Variants in WDR87 observed in about 807,000 individuals in gnomAD.
WDR87 encodes the protein WD repeat-containing protein 87.
WDR87 carries 56 observed loss-of-function variants against 83.3 expected under a neutral mutation model. The ratio of observed to expected loss-of-function variants is 0.67; its 90% CI spans 0.54 to 0.84. The LOEUF is 0.84. Ranked by LOEUF, WDR87 falls within the 40% of genes least tolerant of loss-of-function variation. The pLI is 0.00. For missense variants in WDR87, 2,939 were observed against 3,431.9 expected (o/e 0.86, Z 3.59); for synonymous variants, 1,173 against 1,250.6 (o/e 0.94, Z 1.31).
In WDR87 at chr19:37,886,199, C is replaced by T. The variant is rs543517961; in HGVS notation, c.7472G>A (p.Gly2491Asp). ...KYEPIPPHVL[G>D]TVLESQAQDL... Reference sequence around the variant, plus strand: ...CTGTGCTTGGGACTCCAAAACTGTACCCAAAACATGTGGAGGTATGGGTTC... The same window carrying T: ...CTGTGCTTGGGACTCCAAAACTGTATCCAAAACATGTGGAGGTATGGGTTC... The change falls in exon 6 of 6, where the codon GGT becomes GAT. Residue 2491 changes from glycine (G) to aspartate (D), a missense_variant. Transcript: ENST00000447313. The T allele has an allele frequency of 5.2e-6, 8 of 1,551,680 alleles. No homozygotes were observed. In the African/African-American group the frequency reaches 1.1e-4, roughly 21 times the overall value.
rs892628499 is a variant in WDR87, at chr19:37,885,057, C to T, written c.8614G>A (p.Val2872Met). The change falls in exon 6 of 6, where the codon GTG becomes ATG. Residue 2872 changes from valine (V) to methionine (M), a missense_variant. By Grantham distance (21) the Val-to-Met change is conservative. This residue lies in a region of WDR87 where 2,160 missense variants were observed against 2,533.1 expected (regional missense o/e 0.85). Transcript: ENST00000447313. ...ATGCCCACGGGAAGGATGGTGCGCA[C>T]ACAGTTCTGCCATGGGAGGGGTACC... ...GAVPLPWQNC[V>M]RTILPVGIAR... 72 of 1,469,418 alleles carry T rather than the reference C, an allele frequency of 4.9e-5. No individual in the cohort carries two copies. Among genetic ancestry groups the T allele is most frequent in the Non-Finnish European group, 5.8e-5 (64 of 1,109,176 alleles). 91.0% of individuals were successfully genotyped at this position (1,469,418 alleles called of 1,614,324 possible).
In WDR87 at chr19:37,894,718, G is replaced by A. The variant is rs371801606; in HGVS notation, c.985C>T (p.Arg329Trp). Reference protein sequence around the residue: ...RRLELGEELYRLQFIDSITFF... With the variant: ...RRLELGEELYWLQFIDSITFF... ...GTAATGCTGTCAATAAACTGGAGCC[G>A]GTATAGCTCCTCACCAAGCTCTAGC... The change falls in exon 4 of 6, where the codon CGG (arginine) becomes TGG (tryptophan). Residue 329 changes from arginine to tryptophan, a missense_variant. Physicochemically the swap from Arg to Trp is moderately radical, Grantham distance 101. Around this residue, in one of 3 missense-constraint regions of WDR87, gnomAD observed 553 missense variants for 577.9 expected, o/e 0.96. Coordinates refer to ENST00000447313, the MANE Select transcript of WDR87 (RefSeq NM_001291088.2). The A allele has an allele frequency of 1.7e-5, 27 of 1,551,580 alleles. No homozygotes were observed. The highest frequency in any genetic ancestry group is 4.1e-5 in the African/African-American group (3 of 73,040).
In WDR87 at chr19:37,886,940, C is replaced by T. The variant is rs866606286; in HGVS notation, c.6731G>A (p.Arg2244Lys). The change falls in exon 6 of 6, where the codon AGA becomes AAA. Residue 2244 changes from arginine (R) to lysine (K), a missense_variant. Physicochemically the swap from Arg to Lys is conservative, Grantham distance 26 (BLOSUM62 2). This residue lies in a region of WDR87 where 2,160 missense variants were observed against 2,533.1 expected (regional missense o/e 0.85). Coordinates refer to ENST00000447313, the MANE Select transcript of WDR87 (RefSeq NM_001291088.2). ...RRWRKRKEAK[R>K]GDKPKEKFSS... is the part of the protein sequence containing the mutation. ...AAACTTTTCTTTTGGTTTGTCACCT[C>T]TCTTGGCCTCTTTCCTCTTTCTCCA... 1 of 1,551,902 alleles carries T rather than the reference C, an allele frequency of 6.4e-7. No individual in the cohort carries two copies. Among genetic ancestry groups the T allele is most frequent in the Non-Finnish European group, 8.7e-7 (1 of 1,147,048 alleles).
rs902881646 is a variant in WDR87 at position 37,884,888 on chromosome 19, C to G, written c.*44G>C. The G allele has an allele frequency of 7.9e-7, 1 of 1,264,774 alleles. No homozygotes were observed. The highest frequency in any genetic ancestry group is 3.8e-5 in the Admixed American group (1 of 26,076). 78.3% of individuals were successfully genotyped at this position (1,264,774 alleles called of 1,614,324 possible). A position where few individuals can be genotyped will look rare whatever the true frequency, so the allele number is the denominator to read the frequency against. ...TCTAGATCCTGGTAATTAGGCCTTT[C>G]TCCAGTTGGCAATGAAAAGTCCCAG... On this transcript the variant is annotated 3_prime_UTR_variant, in exon 6 of 6. Transcript: ENST00000447313.
chr19:37,888,147 C>T lies in WDR87; in HGVS notation c.5524G>A (p.Glu1842Lys). ...EEEERLGRKR[E>K]QLIEKKMKLA... ...TTCATCTTCTTCTCAATCAATTGCT[C>T]CCTTTTCCGTCCCAGTCTTTCCTCT... Residue 1842 changes from glutamate (E) to lysine (K), a missense_variant, in exon 6 of 6, where the codon GAG becomes AAG. Coordinates refer to ENST00000447313, the MANE Select transcript of WDR87 (RefSeq NM_001291088.2). 1 of 1,552,076 alleles carries T rather than the reference C, an allele frequency of 6.4e-7. No homozygotes were observed. Among genetic ancestry groups the T allele is most frequent in the Non-Finnish European group, 8.7e-7 (1 of 1,147,098 alleles).
rs774902258 is a variant in WDR87 at position 37,885,039 on chromosome 19, C to T, written c.8632G>A (p.Val2878Met). 17 of 1,450,106 alleles carry T rather than the reference C, an allele frequency of 1.2e-5. No individual in the cohort carries two copies. The highest frequency in any genetic ancestry group is 2.6e-5 in the East Asian group (1 of 39,210). The allele number at this position is 1,450,106 out of a possible 1,614,324, so 89.8% of individuals were successfully genotyped here. The change falls in exon 6 of 6, where the codon GTG (valine) becomes ATG (methionine). Residue 2878 changes from valine to methionine, a missense_variant. Physicochemically the swap from Val to Met is conservative, Grantham distance 21 (BLOSUM62 1). Around this residue, in one of 3 missense-constraint regions of WDR87, gnomAD observed 2,160 missense variants for 2,533.1 expected, o/e 0.85. Transcript: ENST00000447313. ...WQNCVRTILP[V>M]GIARYGILEL... ...AAGATCCCATACCGGGCAATGCCCA[C>T]GGGAAGGATGGTGCGCACACAGTTC...
rs1467421655 is a variant in WDR87 at position 37,885,629 on chromosome 19, A to G, written c.8042T>C (p.Leu2681Pro). The G allele has an allele frequency of 6.4e-7, 1 of 1,551,642 alleles. No homozygotes were observed. Among genetic ancestry groups the G allele is most frequent in the Non-Finnish European group, 8.7e-7 (1 of 1,147,006 alleles). Residue 2681 changes from leucine to proline, a missense_variant, in exon 6 of 6, where the codon CTA becomes CCA. This residue lies in a region of WDR87 where 2,160 missense variants were observed against 2,533.1 expected (regional missense o/e 0.85). Transcript: ENST00000447313. Reference sequence around the variant, plus strand: ...CCTCTCACTTCTGTAAGGTTCTCCTAGAAGATGCCAATTTTTAGCCCTTGG... The same window carrying G: ...CCTCTCACTTCTGTAAGGTTCTCCTGGAAGATGCCAATTTTTAGCCCTTGG... ...PDPRAKNWHL[L>P]GEPYRSERAQ... is the part of the protein sequence containing the mutation.
Position 37,889,992 on chromosome 19 carries a change from G to C in WDR87, c.3679C>G (p.Leu1227Val). The C allele has an allele frequency of 1.3e-6, 2 of 1,551,634 alleles. No homozygotes were observed. Among genetic ancestry groups the C allele is most frequent in the Non-Finnish European group, 1.7e-6 (2 of 1,146,998 alleles). ...CCCTTCTTTTTGTGCTTCTTTTTGA[G>C]TTTCTGAGCTGTTGCTTTCTTGTCT... The part of the protein sequence containing the change: ...KRDKKATAQK[L>V]KKKHKKKGKE... Residue 1227 changes from leucine to valine, a missense_variant, in exon 6 of 6, where the codon CTC (leucine) becomes GTC (valine). By Grantham distance (32) the Leu-to-Val change is conservative. Transcript: ENST00000447313.
rs1039623767 is a variant in WDR87 at position 37,887,216 on chromosome 19, A to G, written c.6455T>C (p.Ile2152Thr). Residue 2152 changes from isoleucine to threonine, a missense_variant, in exon 6 of 6, where the codon ATA becomes ACA. Physicochemically the swap from Ile to Thr is moderately conservative, Grantham distance 89. Around this residue, in one of 3 missense-constraint regions of WDR87, gnomAD observed 2,160 missense variants for 2,533.1 expected, o/e 0.85. Transcript: ENST00000447313. ...ALFVKERRLS[I>T]EQSKLDIKEW... ...TTTGATATCCAGCTTACTCTGTTCT[A>G]TACTCAACCTGCGCTCCTTAACAAA... 16 of 1,551,652 alleles carry G rather than the reference A, an allele frequency of 1.0e-5. No individual in the cohort carries two copies. The highest frequency in any genetic ancestry group is 1.3e-5 in the Non-Finnish European group (15 of 1,147,040).
intron 1 of WDR87, among the ~76,000 whole-genome samples, chr19:37,903,624 G>A (rs1276614178): frequency 1.3e-5 from 2 of 151,914 alleles, no homozygotes; most frequent in Non-Finnish European, 2.9e-5. Context: ...CAACCACTCC[G>A]GCTCAAGTGA....
intron 5 of WDR87, among the ~76,000 whole-genome samples, chr19:37,890,516 CT>C (rs202216104): frequency 2.3e-4 from 34 of 150,782 alleles, no homozygotes; most frequent in Admixed American, 1.3e-3. Flanking sequence ...CTTAGAAAGT[CT>C]TTTTTTTTCA....
chr19:37,906,429 C>T (rs954139078), intron 1 of WDR87, 70 bp downstream of exon 1: 1 of 152,212 alleles, frequency 6.6e-6, no homozygotes, highest in African/African-American at 2.4e-5. Flanking sequence ...GGCCCCTCAC[C>T]CTCGGGCCTC....
Position 37,886,963 on chromosome 19 carries a change from C to T in WDR87, c.6708G>A (p.Trp2236Ter), listed in dbSNP as rs900491170. The T allele has an allele frequency of 6.4e-7, 1 of 1,551,952 alleles. No individual in the cohort carries two copies. Among genetic ancestry groups the T allele is most frequent in the Non-Finnish European group, 8.7e-7 (1 of 1,147,092 alleles). ...CTCTCTTGGCCTCTTTCCTCTTTCT[C>T]CACCTTCGTTTAAGGAATGGGATTA... ...EEVIPFLKRR[W>*]RKRKEAKRGD... The change falls in exon 6 of 6, where the codon TGG becomes TGA. Residue 2236 changes from tryptophan (W) to a stop codon, truncating the protein, a stop_gained. Coordinates refer to ENST00000447313, the MANE Select transcript of WDR87 (RefSeq NM_001291088.2). LOFTEE classifies it low-confidence loss of function (END_TRUNC).
chr19:37,891,485 C>T, intron 5 of WDR87, 67 bp downstream of exon 5: 7 of 1,512,314 alleles, frequency 4.6e-6, no homozygotes, highest in Non-Finnish European at 6.2e-6. Context: ...TCTCTTGATC[C>T]ACTTTAACCC....
chr19:37,904,819 C>T (rs1257757121), intron 1 of WDR87, among the ~76,000 whole-genome samples: 1 of 152,152 alleles, frequency 6.6e-6, no homozygotes, highest in East Asian at 1.9e-4. Flanking sequence ...TTTATTTATT[C>T]AAATTTCTAT....
At position 37,885,520 on chromosome 19, in the gene WDR87, A is replaced by C; in HGVS notation, c.8151T>G (p.His2717Gln). 1 of 1,551,730 alleles carries C rather than the reference A, an allele frequency of 6.4e-7. No homozygotes were observed. The highest frequency in any genetic ancestry group is 8.7e-7 in the Non-Finnish European group (1 of 1,147,002). ...CCAGGGTTTGTTTTTCCACAGAGGC[A>C]TGGGCACTTGGAAAAATGTCTCTGG... ...PATRDIFPSAHASVEKQTLAL... is the reference protein window; with the variant it reads ...PATRDIFPSAQASVEKQTLAL... The change falls in exon 6 of 6, where the codon CAT becomes CAG. Residue 2717 changes from histidine (H) to glutamine (Q), a missense_variant. Physicochemically the swap from His to Gln is conservative, Grantham distance 24. Coordinates refer to ENST00000447313, the MANE Select transcript of WDR87 (RefSeq NM_001291088.2).
In WDR87 at chr19:37,886,206, CAT is replaced by C. The variant is rs1568447977; in HGVS notation, c.7463_7464del (p.His2488ArgfsTer29). ...TGGGACTCCAAAACTGTACCCAAAACATGTGGAGGTATGGGTTCATATTTTCC... is the reference window on the plus strand; with the variant it reads ...TGGGACTCCAAAACTGTACCCAAAACGTGGAGGTATGGGTTCATATTTTCC... ...VMGKYEPIPPHVLGTVLESQA... is the reference protein window; with the variant it reads ...VMGKYEPIPPXVLGTVLESQA... On this transcript the variant is annotated frameshift_variant, in exon 6 of 6. Transcript: ENST00000447313. LOFTEE classifies it low-confidence loss of function (END_TRUNC). 1.9e-6 allele frequency: 3 copies of C among 1,551,722 alleles called. No individual in the cohort carries two copies. Among genetic ancestry groups the C allele is most frequent in the Admixed American group, 3.9e-5 (2 of 51,008 alleles).
At chr19:37,895,757 ACT>A (rs1353708270) in intron 3 of WDR87, among the ~76,000 whole-genome samples, 2 of 104,980 alleles carry the variant, frequency 1.9e-5, no homozygotes, top group African/African-American at 8.3e-5. Flanking sequence ...ACAGAGCGAG[ACT>A]CTGTCTCAAA....
At chr19:37,900,454 G>A (rs1411900851) in intron 1 of WDR87, among the ~76,000 whole-genome samples, 1 of 151,172 alleles carries the variant, frequency 6.6e-6, no homozygotes, top group Non-Finnish European at 1.5e-5. Flanking sequence ...CCAGCTACTC[G>A]GGAGGCTGAG....
Sources: gnomAD v4.1 joint callset for allele counts (sites outside exome capture counted in the v4.1 genomes callset) on GRCh38, gnomAD v4.1.1 for gene constraint, gnomAD v4.1.1 regional missense constraint, MANE v1.5 for transcripts, NCBI Gene and HGNC (gene_info 2026-07-23, HGNC 2026-07-21) for gene names.